Variants in MACROD2 observed in about 807,000 individuals in gnomAD.
The protein encoded by MACROD2 is mono-ADP ribosylhydrolase 2, also known as ADP-ribose glycohydrolase MACROD2.
In MACROD2, 36 loss-of-function variants were observed where a neutral mutation model predicts 70.4. The ratio of observed to expected loss-of-function variants is 0.51; its 90% CI spans 0.39 to 0.68. The LOEUF is 0.68. MACROD2 is among the 30% of genes least tolerant of loss of function. The pLI is 0.00. For missense variants in MACROD2, 496 were observed against 538.4 expected (o/e 0.92, Z 0.78); for synonymous variants, 172 against 178.8 (o/e 0.96, Z 0.30).
At chr20:14,214,991 C>T (rs1386028246) in intron 3 of MACROD2, among the ~76,000 whole-genome samples, 1 of 150,478 alleles carries the variant, frequency 6.6e-6, no homozygotes, top group Admixed American at 6.7e-5. Context: ...CCATCATATA[C>T]ATATATGTTT....
chr20:14,777,055 C>T (rs554988663), intron 5 of MACROD2, among the ~76,000 whole-genome samples: 2 of 152,014 alleles, frequency 1.3e-5, no homozygotes, highest in South Asian at 4.2e-4. Context: ...ACAATTTATC[C>T]ATTTTCCTAT....
At chr20:14,880,223 G>T (rs748330639) in intron 5 of MACROD2, among the ~76,000 whole-genome samples, 4 of 152,176 alleles carry the variant, frequency 2.6e-5, no homozygotes, top group Non-Finnish European at 5.9e-5. Context: ...ACAGTTTTGG[G>T]GAGAGGGAGC....
At chr20:14,259,657 C>A (rs1327167842) in intron 3 of MACROD2, among the ~76,000 whole-genome samples, 1 of 152,170 alleles carries the variant, frequency 6.6e-6, no homozygotes, top group African/African-American at 2.4e-5. Flanking sequence ...AATGAAACAG[C>A]CTTTTCTTCA....
At chr20:14,707,230 G>A (rs1435894281) in intron 5 of MACROD2, among the ~76,000 whole-genome samples, 3 of 152,150 alleles carry the variant, frequency 2.0e-5, no homozygotes, top group Non-Finnish European at 2.9e-5. Context: ...GAGGCTTCAC[G>A]GAGGAGCACT....
chr20:14,005,031 T>G (rs2052794347), intron 2 of MACROD2, among the ~76,000 whole-genome samples: 1 of 152,190 alleles, frequency 6.6e-6, no homozygotes, highest in Admixed American at 6.5e-5. Context: ...AACCAAATGC[T>G]TCTTGTTATT....
At chr20:14,019,121 A>G (rs780432431) in intron 2 of MACROD2, among the ~76,000 whole-genome samples, 8 of 152,316 alleles carry the variant, frequency 5.3e-5, no homozygotes, top group Middle Eastern at 3.4e-3. Flanking sequence ...GTAACTGACC[A>G]GAGGGTTCCT....
intron 6 of MACROD2, among the ~76,000 whole-genome samples, chr20:15,232,398 A>G (rs1349193026): frequency 6.6e-6 from 1 of 152,082 alleles, no homozygotes; most frequent in Non-Finnish European, 1.5e-5. Context: ...TCCTTTTATC[A>G]GAGTGGCTTA....
intron 5 of MACROD2, among the ~76,000 whole-genome samples, chr20:14,958,101 T>C (rs1463783875): frequency 6.6e-6 from 1 of 152,174 alleles, no homozygotes; most frequent in African/African-American, 2.4e-5. Flanking sequence ...CTCTGGAGTC[T>C]CTTGTTGAAG....
chr20:14,198,613 A>G (rs1271945066), intron 3 of MACROD2, among the ~76,000 whole-genome samples: 1 of 152,188 alleles, frequency 6.6e-6, no homozygotes, highest in East Asian at 1.9e-4. Flanking sequence ...TTGTTCGCAT[A>G]TATTATGTAG....
At chr20:14,883,031 T>G (rs748943044) in intron 5 of MACROD2, among the ~76,000 whole-genome samples, 6 of 152,178 alleles carry the variant, frequency 3.9e-5, no homozygotes, top group Admixed American at 2.0e-4. Context: ...CCACATCATA[T>G]TCTTGGTCAT....
chr20:15,808,581 T>C (rs1363354664), intron 8 of MACROD2, among the ~76,000 whole-genome samples: 1 of 152,212 alleles, frequency 6.6e-6, no homozygotes, highest in African/African-American at 2.4e-5. Context: ...ATTATTTTAT[T>C]ATTTGTGTCT....
At chr20:14,315,276 A>T (rs933718869) in intron 3 of MACROD2, among the ~76,000 whole-genome samples, 1 of 152,204 alleles carries the variant, frequency 6.6e-6, no homozygotes, top group Middle Eastern at 3.2e-3. Flanking sequence ...GAGATAATGG[A>T]TATGAAATGC....
Position 15,668,552 on chromosome 20 carries a change from A to G in MACROD2, c.645+168705A>G, listed in dbSNP as rs181449294. The stretch of plus-strand genomic sequence containing the variant: ...CACTGCACTCCAGCCTGGGCGACAG[A>G]GTGAGACTCTGTCTGAAAAATAAAA... On this transcript the variant is annotated intron_variant, in intron 8 of 17. Transcript: ENST00000684519. Among the ~76,000 whole-genome samples, 56 of 152,284 alleles carry G rather than the reference A, an allele frequency of 3.7e-4. No homozygotes were observed. In the East Asian group the frequency reaches 0.011, roughly 29 times the overall value.
intron 3 of MACROD2, among the ~76,000 whole-genome samples, chr20:14,089,121 C>T (rs890292499): frequency 4.6e-5 from 7 of 152,138 alleles, no homozygotes; most frequent in Non-Finnish European, 8.8e-5. Flanking sequence ...ACTCCCAAAA[C>T]GATTTGGTAA....
intron 5 of MACROD2, among the ~76,000 whole-genome samples, chr20:14,909,745 A>G (rs981063806): frequency 3.9e-5 from 6 of 152,142 alleles, no homozygotes; most frequent in African/African-American, 1.4e-4. Context: ...TATCTGAAAA[A>G]AACAAAACAA....
intron 7 of MACROD2, among the ~76,000 whole-genome samples, chr20:15,490,965 C>A (rs2047224425): frequency 6.6e-6 from 1 of 152,190 alleles, no homozygotes; most frequent in South Asian, 2.1e-4. Context: ...ACATTGCTGT[C>A]CATTTACAGA....
intron 5 of MACROD2, among the ~76,000 whole-genome samples, chr20:14,819,450 T>C (rs772770194): frequency 1.3e-5 from 2 of 151,058 alleles, no homozygotes; most frequent in Admixed American, 6.6e-5. Context: ...GCAAATATTC[T>C]GTAGAAAATC....
At chr20:14,110,245 C>T (rs915447823) in intron 3 of MACROD2, among the ~76,000 whole-genome samples, 1 of 151,780 alleles carries the variant, frequency 6.6e-6, no homozygotes, top group Non-Finnish European at 1.5e-5. Context: ...TAATAAAAGC[C>T]ATGTATGACA....
At chr20:14,518,359 A>T (rs556353563) in intron 4 of MACROD2, among the ~76,000 whole-genome samples, 1 of 152,270 alleles carries the variant, frequency 6.6e-6, no homozygotes, top group East Asian at 1.9e-4. Flanking sequence ...CAATATTTTT[A>T]CAAATTATGT....
Sources: gnomAD v4.1 joint callset for allele counts (sites outside exome capture counted in the v4.1 genomes callset) on GRCh38, gnomAD v4.1.1 for gene constraint, MANE v1.5 for transcripts, NCBI Gene and HGNC (gene_info 2026-07-23, HGNC 2026-07-21) for gene names.